BICD1: variants seen among roughly 807,000 people sequenced by gnomAD.
BICD1 encodes protein bicaudal D homolog 1.
In BICD1, 35 loss-of-function variants were observed where a neutral mutation model predicts 92.5. The observed-to-expected ratio is 0.38, with a 90% CI of 0.29 to 0.50. BICD1 has a LOEUF of 0.50. Ranked by LOEUF, BICD1 falls within the 20% of genes least tolerant of loss-of-function variation. The pLI, the probability that BICD1 is intolerant of heterozygous loss-of-function variation, is 0.93. For synonymous variants in BICD1, 429 were observed against 465.1 expected (o/e 0.92, Z 1.00); for missense variants, 950 against 1,189.8 (o/e 0.80, Z 2.97).
intron 1 of BICD1, among the ~76,000 whole-genome samples, chr12:32,110,098 T>C (rs1941630259): frequency 1.3e-5 from 2 of 152,226 alleles, no homozygotes; most frequent in Non-Finnish European, 2.9e-5. Flanking sequence ...TAAGTCCAAA[T>C]TGGACATTAG....
intron 9 of BICD1, among the ~76,000 whole-genome samples, chr12:32,371,495 AT>A (rs1240931902): frequency 6.6e-6 from 1 of 152,202 alleles, no homozygotes; most frequent in Non-Finnish European, 1.5e-5. Context: ...CATATTAAAC[AT>A]TACAGCCTTC....
At chr12:32,334,447 G>A (rs1938017807) in intron 5 of BICD1, 69 bp from the exon 6 acceptor site, 1 of 1,468,604 alleles carries the variant, frequency 6.8e-7, no homozygotes, top group Non-Finnish European at 9.1e-7. Flanking sequence ...AATAGGCACA[G>A]CATGAAGCAA....
At chr12:32,291,363 C>G (rs1216032450) in intron 2 of BICD1, among the ~76,000 whole-genome samples, 1 of 151,730 alleles carries the variant, frequency 6.6e-6, no homozygotes, top group African/African-American at 2.4e-5. Flanking sequence ...ATGGCGAGAC[C>G]CCACCTCTAT....
At chr12:32,263,715 A>C (rs1162551664) in intron 2 of BICD1, among the ~76,000 whole-genome samples, 1 of 152,188 alleles carries the variant, frequency 6.6e-6, no homozygotes, top group African/African-American at 2.4e-5. Flanking sequence ...TGAGACTCAG[A>C]ATGCATATTT....
At chr12:32,116,162 C>T (rs1941881919) in intron 1 of BICD1, among the ~76,000 whole-genome samples, 1 of 114,524 alleles carries the variant, frequency 8.7e-6, no homozygotes, top group Non-Finnish European at 2.0e-5. Flanking sequence ...TACATAATGT[C>T]TATGATTTTT....
At chr12:32,132,448 A>T (rs904402679) in intron 1 of BICD1, among the ~76,000 whole-genome samples, 2 of 149,886 alleles carry the variant, frequency 1.3e-5, no homozygotes, top group African/African-American at 4.9e-5. Context: ...TGAGATGAGA[A>T]TGAACTGGGT....
intron 8 of BICD1, among the ~76,000 whole-genome samples, chr12:32,361,052 CT>C (rs1195573737): frequency 6.6e-6 from 1 of 152,204 alleles, no homozygotes; most frequent in African/African-American, 2.4e-5. Context: ...TGTGATGTGG[CT>C]GCCCAAAAAT....
rs1424176008 is a variant in BICD1 at position 32,337,202 on chromosome 12, A to C, written c.2253-297A>C. 6.6e-6 allele frequency among the ~76,000 whole-genome samples: 1 copy of C among 152,196 alleles called. No homozygotes were observed. Among genetic ancestry groups the C allele is most frequent in the African/African-American group, 2.4e-5 (1 of 41,448 alleles). On this transcript the variant is annotated intron_variant, in intron 6 of 9. Coordinates refer to ENST00000652176, the MANE Select transcript of BICD1 (RefSeq NM_001714.4). This position sits in a 1 kb window ranked among gnomAD's most constrained non-coding sequence, Gnocchi z 4.7. ...GCAGAGGTTACAGTGAGCCAAGATC[A>C]CGCCACTGCACTCCAGCCTGGGCGA... is the stretch of plus-strand genomic sequence containing the variant.
At chr12:32,352,446 A>G (rs1413246017) in intron 8 of BICD1, 2 of 151,466 alleles carry the variant, frequency 1.3e-5, no homozygotes, top group Non-Finnish European at 2.9e-5. Flanking sequence ...AGATTGCGCC[A>G]CTGCACTCTG....
In BICD1 at chr12:32,339,164, A is replaced by G. The variant is rs1017256853; in HGVS notation, c.2764+185A>G. ...ATTTCCTCCTTCACTCATATTCCTT[A>G]GAATGACAGACTTCCATTTAACAGC... On this transcript the variant is annotated intron_variant, in intron 8 of 9. Transcript: ENST00000652176. 3.8e-6 allele frequency: 5 copies of G among 1,312,902 alleles called. No homozygotes were observed. The African/African-American group carries it at 4.6e-5, about 12-fold the overall frequency. The allele number at this position is 1,312,902 out of a possible 1,614,324, so 81.3% of individuals were successfully genotyped here. A position where few individuals can be genotyped will look rare whatever the true frequency, so the allele number is the denominator to read the frequency against.
intron 8 of BICD1, among the ~76,000 whole-genome samples, chr12:32,342,928 A>G (rs1428850267): frequency 1.3e-5 from 2 of 152,176 alleles, no homozygotes; most frequent in Non-Finnish European, 2.9e-5. Flanking sequence ...AATGCATTAT[A>G]CTGATCGGTT....
intron 1 of BICD1, among the ~76,000 whole-genome samples, chr12:32,137,947 A>G (rs1382150788): frequency 6.6e-6 from 1 of 152,032 alleles, no homozygotes; most frequent in African/African-American, 2.4e-5. Flanking sequence ...ACAGGCACGC[A>G]TCACCATGCC....
rs1379049105 is a variant in BICD1, at chr12:32,382,411, C to G, written c.*4784C>G. 6.6e-6 allele frequency: 1 copy of G among 152,070 alleles called. No individual in the cohort carries two copies. The highest frequency in any genetic ancestry group is 6.5e-5 in the Admixed American group (1 of 15,270). The allele number at this position is 152,070 out of a possible 1,614,324, so 9.4% of individuals were successfully genotyped here. A position where few individuals can be genotyped will look rare whatever the true frequency, so the allele number is the denominator to read the frequency against. On this transcript the variant is annotated 3_prime_UTR_variant, in exon 10 of 10. Transcript: ENST00000652176. ...CATGAATTATTTCACATCATGTAAGCTTTCCCATATTCATAAGATGAACAC... is the reference window on the plus strand; with the variant it reads ...CATGAATTATTTCACATCATGTAAGGTTTCCCATATTCATAAGATGAACAC...
chr12:32,375,039 C>T (rs149670731), intron 9 of BICD1, among the ~76,000 whole-genome samples: 3,939 of 149,220 alleles, frequency 0.026, 185 homozygotes, highest in African/African-American at 0.092. Context: ...CTACCTCAGC[C>T]TCCGGAGTAG....
intron 1 of BICD1, among the ~76,000 whole-genome samples, chr12:32,173,784 T>C (rs1424768963): frequency 1.3e-5 from 2 of 152,238 alleles, no homozygotes; most frequent in African/African-American, 2.4e-5. Flanking sequence ...TTGCCAGATG[T>C]GTTCATCAAA....
chr12:32,266,312 A>G (rs1946994390), intron 2 of BICD1, among the ~76,000 whole-genome samples: 1 of 152,216 alleles, frequency 6.6e-6, no homozygotes, highest in East Asian at 1.9e-4. Context: ...GGAAATTTCA[A>G]ATTTTACTAA....
chr12:32,112,518 C>T (rs887150342), intron 1 of BICD1, among the ~76,000 whole-genome samples: 3 of 152,056 alleles, frequency 2.0e-5, no homozygotes, highest in Non-Finnish European at 4.4e-5. Flanking sequence ...TATTGCTTTC[C>T]AAATTTGAAA....
chr12:32,368,589 G>A (rs1304194684), intron 9 of BICD1, among the ~76,000 whole-genome samples: 1 of 152,154 alleles, frequency 6.6e-6, no homozygotes, highest in Non-Finnish European at 1.5e-5. Flanking sequence ...CACCTACTCA[G>A]GAGGCTGAGG....
chr12:32,240,654 A>G (rs1219599634), intron 2 of BICD1, among the ~76,000 whole-genome samples: 1 of 152,186 alleles, frequency 6.6e-6, no homozygotes, highest in Non-Finnish European at 1.5e-5. Flanking sequence ...TTACCATATA[A>G]GGTAAGAGTC....
Sources: allele counts gnomAD v4.1 joint callset (sites outside exome capture counted in the v4.1 genomes callset), GRCh38; gene constraint gnomAD v4.1.1; non-coding constraint Gnocchi (gnomAD v3.1); transcripts MANE v1.5; gene names NCBI Gene and HGNC (gene_info 2026-07-23, HGNC 2026-07-21).